Variants in OSMR observed in about 807,000 individuals in gnomAD.
OSMR encodes the protein oncostatin M receptor, also known as oncostatin-M-specific receptor subunit beta.
OSMR carries 81 observed loss-of-function variants against 99.9 expected under a neutral mutation model. The observed-to-expected ratio is 0.81, with a 90% CI of 0.68 to 0.97. OSMR has a LOEUF of 0.97. OSMR is among the 50% of genes least tolerant of loss of function. The probability of loss-of-function intolerance (pLI) is 0.00; values close to 1 mark genes in which losing one functional copy is unlikely to be tolerated. For missense variants in OSMR, 1,099 were observed against 1,153.4 expected, an observed-to-expected ratio of 0.95 and a Z score of 0.68; for synonymous variants, 406 against 410.4, an observed-to-expected ratio of 0.99 and a Z score of 0.13.
chr5:38,933,872 T>C lies in OSMR; in HGVS notation c.*428T>C, dbSNP rs1746897451. The C allele has an allele frequency of 5.6e-6, 1 of 179,802 alleles. No individual in the cohort carries two copies. Among genetic ancestry groups the C allele is most frequent in the African/African-American group, 2.4e-5 (1 of 42,164 alleles). 11.1% of individuals were successfully genotyped at this position (179,802 alleles called of 1,614,324 possible). On this transcript the variant is annotated 3_prime_UTR_variant, in exon 18 of 18. Transcript: ENST00000274276. Reference sequence around the variant, plus strand: ...GCTTTAATAAAGGCCACAGGAGACATTACTATAGCATAGATTGTCAAATGT... The same window carrying C: ...GCTTTAATAAAGGCCACAGGAGACACTACTATAGCATAGATTGTCAAATGT...
intron 9 of OSMR, among the ~76,000 whole-genome samples, chr5:38,912,675 A>G (rs1745661263): frequency 6.6e-6 from 1 of 152,210 alleles, no homozygotes; most frequent in Non-Finnish European, 1.5e-5. Context: ...AGTTCAAACT[A>G]TACTACAAGA....
intron 9 of OSMR, among the ~76,000 whole-genome samples, chr5:38,910,988 T>C (rs934017813): frequency 6.6e-6 from 1 of 151,990 alleles, no homozygotes; most frequent in African/African-American, 2.4e-5. Context: ...CCAGCCTGGG[T>C]GACAAAGATC....
intron 1 of OSMR, among the ~76,000 whole-genome samples, chr5:38,851,102 T>C (rs1740313642): frequency 6.6e-6 from 1 of 152,138 alleles, no homozygotes; most frequent in Admixed American, 6.5e-5. Flanking sequence ...ACACAAACAC[T>C]GTCAACTAGT....
At chr5:38,941,454 G>A in intron 1 of OSMR, 1 of 231,768 alleles carries the variant, frequency 4.3e-6, no homozygotes. Flanking sequence ...AACTAACAGT[G>A]CTTGTTCAAG....
chr5:38,903,697 A>G (rs1269375373), intron 7 of OSMR, 185 bp from the exon 8 acceptor site: 1 of 758,870 alleles, frequency 1.3e-6, no homozygotes, highest in Non-Finnish European at 1.6e-6. Context: ...ATGCAGTAGA[A>G]TCATTGAGAG....
chr5:38,886,414 A>G (rs1743776351), intron 7 of OSMR: 4 of 1,244,108 alleles, frequency 3.2e-6, no homozygotes, highest in Non-Finnish European at 4.2e-6. Flanking sequence ...CTTACTACCC[A>G]ACTTCAAAAC....
intron 2 of OSMR, chr5:38,944,684 T>A: frequency 1.0e-6 from 1 of 991,500 alleles, no homozygotes; most frequent in Non-Finnish European, 1.5e-6. Context: ...TTACACATGA[T>A]CTACCAATCA....
chr5:38,929,013 T>C (rs1746600217), intron 15 of OSMR, among the ~76,000 whole-genome samples: 1 of 152,180 alleles, frequency 6.6e-6, no homozygotes, highest in Admixed American at 6.5e-5. Context: ...GACTATTGAT[T>C]ATATTATTAT....
chr5:38,925,913 C>T (rs772692526), intron 15 of OSMR, among the ~76,000 whole-genome samples: 1 of 152,122 alleles, frequency 6.6e-6, no homozygotes, highest in African/African-American at 2.4e-5. Flanking sequence ...TACTTGCTCA[C>T]AAACTCCCTG....
intron 1 of OSMR, among the ~76,000 whole-genome samples, chr5:38,852,683 A>G (rs1740483281): frequency 7.1e-6 from 1 of 140,770 alleles, no homozygotes; most frequent in African/African-American, 2.6e-5. Context: ...TATGAGGGAT[A>G]GCTCTTTGTG....
At chr5:38,884,136 CCTTT>C in intron 5 of OSMR, 25 bp downstream of exon 5, 1 of 1,509,516 alleles carries the variant, frequency 6.6e-7, no homozygotes, top group Middle Eastern at 1.7e-4. Flanking sequence ...TCTCTGTGGC[CCTTT>C]CTTCTCATTT....
At chr5:38,850,263 C>A (rs1740247175) in intron 1 of OSMR, among the ~76,000 whole-genome samples, 1 of 152,116 alleles carries the variant, frequency 6.6e-6, no homozygotes, top group Non-Finnish European at 1.5e-5. Flanking sequence ...CAGTCTTGTA[C>A]AACTATTTAA....
chr5:38,921,689 G>T lies in OSMR; in HGVS notation c.1660G>T (p.Val554Phe). 1.9e-6 allele frequency: 3 copies of T among 1,614,194 alleles called. No individual in the cohort carries two copies. Among genetic ancestry groups the T allele is most frequent in the Non-Finnish European group, 2.5e-6 (3 of 1,180,032 alleles). ...GTCTTGGAAACCCCAACCTGGAGATGTTATAGGCTATGTTGTGGACTGGTG... is the reference window on the plus strand; with the variant it reads ...GTCTTGGAAACCCCAACCTGGAGATTTTATAGGCTATGTTGTGGACTGGTG... ...SLSWKPQPGD[V>F]IGYVVDWCDH... The change falls in exon 12 of 18, where the codon GTT becomes TTT. Residue 554 changes from valine to phenylalanine, a missense_variant. Coordinates refer to ENST00000274276, the MANE Select transcript of OSMR (RefSeq NM_003999.3).
intron 9 of OSMR, among the ~76,000 whole-genome samples, chr5:38,905,420 G>T (rs965930339): frequency 2.0e-5 from 3 of 151,940 alleles, no homozygotes; most frequent in Non-Finnish European, 2.9e-5. Context: ...CCTGGGAGGT[G>T]GAGGTTGCAG....
chr5:38,865,432 G>A (rs1308544423), intron 1 of OSMR, among the ~76,000 whole-genome samples: 1 of 152,202 alleles, frequency 6.6e-6, no homozygotes, highest in Non-Finnish European at 1.5e-5. Context: ...AGTATTGGTT[G>A]GGTAGAGAGA....
chr5:38,923,540 G>A (rs998374997), intron 13 of OSMR, among the ~76,000 whole-genome samples: 2 of 152,040 alleles, frequency 1.3e-5, no homozygotes, highest in Non-Finnish European at 2.9e-5. Context: ...ATAATGGTTT[G>A]TAAATGAAGT....
chr5:38,945,561 A>C (rs1188241926), downstream of OSMR: 1 of 1,614,020 alleles, frequency 6.2e-7, no homozygotes, highest in Non-Finnish European at 8.5e-7. Context: ...AGACACAATA[A>C]AGGCAGTTAT....
intron 1 of OSMR, among the ~76,000 whole-genome samples, chr5:38,852,174 A>G (rs920400232): frequency 1.3e-5 from 2 of 152,228 alleles, no homozygotes; most frequent in Admixed American, 1.3e-4. Context: ...GAAATGCACC[A>G]TAATTATTTT....
chr5:38,944,800 C>T (rs981838879), intron 2 of OSMR: 25 of 1,065,198 alleles, frequency 2.3e-5, no homozygotes, highest in Admixed American at 5.9e-5. Context: ...CTAAAATGGA[C>T]GTATTACTGT....
Sources: gnomAD v4.1 joint callset for allele counts (sites outside exome capture counted in the v4.1 genomes callset) on GRCh38, gnomAD v4.1.1 for gene constraint, MANE v1.5 for transcripts, NCBI Gene and HGNC (gene_info 2026-07-23, HGNC 2026-07-21) for gene names.